The following RIPK1 variants were observed in gnomAD, a reference collection of about 807,000 sequenced individuals.
RIPK1 encodes the protein receptor interacting serine/threonine kinase 1.
RIPK1 carries 27 observed loss-of-function variants against 62.4 expected under a neutral mutation model. The ratio of observed to expected loss-of-function variants is 0.43; its 90% CI spans 0.32 to 0.60. RIPK1 has a LOEUF of 0.60. Ranked by LOEUF, RIPK1 falls within the 20% of genes least tolerant of loss-of-function variation. The pLI is 0.07. For synonymous variants in RIPK1, 287 were observed against 303.2 expected, an observed-to-expected ratio of 0.95 and a Z score of 0.55; for missense variants, 735 against 831.0, an observed-to-expected ratio of 0.88 and a Z score of 1.42.
intron 1 of RIPK1, 67 bp downstream of exon 1, chr6:3,068,728 T>C (rs1758516775): frequency 1.1e-6 from 1 of 947,858 alleles, no homozygotes; most frequent in Non-Finnish European, 1.3e-6. Flanking sequence ...GTGACCCCCC[T>C]GGTCGGGGTT....
chr6:3,111,086 A>G, intron 10 of RIPK1, 131 bp downstream of exon 10: 1 of 540,722 alleles, frequency 1.8e-6, no homozygotes, highest in Non-Finnish European at 3.1e-6. Context: ...TCTGCAAAAT[A>G]TCTTTGTAAT....
intron 4 of RIPK1, among the ~76,000 whole-genome samples, chr6:3,081,687 C>T (rs982643379): frequency 6.6e-6 from 1 of 151,614 alleles, no homozygotes; most frequent in Non-Finnish European, 1.5e-5. Context: ...ATGGAGAAAC[C>T]CCATCTCTAC....
intron 1 of RIPK1, among the ~76,000 whole-genome samples, chr6:3,075,529 C>G (rs1759006154): frequency 6.6e-6 from 1 of 152,168 alleles, no homozygotes. Context: ...TTTTCTAATG[C>G]CTTTCAGTTG....
chr6:3,090,030 G>A (rs544002478), intron 7 of RIPK1, among the ~76,000 whole-genome samples: 1 of 152,348 alleles, frequency 6.6e-6, no homozygotes, highest in African/African-American at 2.4e-5. Context: ...ACATAATGCT[G>A]AGGAAGAAGT....
At chr6:3,077,055 C>A in intron 2 of RIPK1, 68 bp downstream of exon 2, 1 of 1,457,190 alleles carries the variant, frequency 6.9e-7, no homozygotes, top group South Asian at 1.4e-5. Flanking sequence ...GTTGTGGAGC[C>A]GTTGGCTGCT....
intron 7 of RIPK1, among the ~76,000 whole-genome samples, chr6:3,103,003 A>T (rs548756805): frequency 8.5e-5 from 13 of 152,320 alleles, no homozygotes; most frequent in African/African-American, 2.9e-4. Context: ...CATCTTACCA[A>T]CACTTTTTAT....
intron 3 of RIPK1, among the ~76,000 whole-genome samples, chr6:3,080,638 T>C (rs1759325258): frequency 6.6e-6 from 1 of 152,232 alleles, no homozygotes; most frequent in African/African-American, 2.4e-5. Flanking sequence ...ATCCATTCAT[T>C]CAACAAGCAT....
Position 3,108,964 on chromosome 6 carries a change from C to A in RIPK1, c.1577-1839C>A, listed in dbSNP as rs188307355. Among the ~76,000 whole-genome samples, 364 of 152,286 alleles carry A rather than the reference C, an allele frequency of 2.4e-3. 1 individual carries two copies. The highest frequency in any genetic ancestry group is 8.6e-3 in the African/African-American group (358 of 41,564). On this transcript the variant is annotated intron_variant, in intron 9 of 10. Transcript: ENST00000259808. The stretch of plus-strand genomic sequence containing the variant: ...GACGGAGGTACCTTGAGCTGATACT[C>A]ATTTCCCTCCCTCCTCAGAACTGTC...
rs143164051 is a variant in RIPK1, at chr6:3,071,167, T to G, written c.-61+2506T>G. On this transcript the variant is annotated intron_variant, in intron 1 of 10. Transcript: ENST00000259808. ...TGGAGAAATCCTCTGGTCACTTGGATAGCTGAGCAAAATCAGAATTCTGTT... is the reference window on the plus strand; with the variant it reads ...TGGAGAAATCCTCTGGTCACTTGGAGAGCTGAGCAAAATCAGAATTCTGTT... Among the ~76,000 whole-genome samples, 43 of 152,314 alleles carry G rather than the reference T, an allele frequency of 2.8e-4. No homozygotes were observed. The East Asian group carries it at 6.9e-3, about 25-fold the overall frequency.
intron 9 of RIPK1, among the ~76,000 whole-genome samples, chr6:3,107,788 C>T (rs1760939154): frequency 6.6e-6 from 1 of 151,954 alleles, no homozygotes; most frequent in Non-Finnish European, 1.5e-5. Context: ...CCAGAAATCT[C>T]TTTGTGTTTT....
Position 3,114,223 on chromosome 6 carries a change from C to T in RIPK1, c.*884C>T, listed in dbSNP as rs17548629. On this transcript the variant is annotated 3_prime_UTR_variant, in exon 11 of 11. Transcript: ENST00000259808. This position sits in a 1 kb window ranked among gnomAD's most constrained non-coding sequence, Gnocchi z 5.0. ...CTGGTACCTTCACCCAGCCTGAGTG[C>T]CCTGGAGAGGGAACAGGAAATGCTG... 6,174 of 152,232 alleles carry T rather than the reference C, an allele frequency of 0.041. 292 individuals carry two copies. The highest frequency in any genetic ancestry group is 0.28 in the East Asian group (1,448 of 5,172). The allele number at this position is 152,232 out of a possible 1,614,324, so 9.4% of individuals were successfully genotyped here. A position where few individuals can be genotyped will look rare whatever the true frequency, so the allele number is the denominator to read the frequency against.
intron 1 of RIPK1, among the ~76,000 whole-genome samples, chr6:3,069,189 C>T (rs1357036751): frequency 6.6e-6 from 1 of 152,200 alleles, no homozygotes; most frequent in Admixed American, 6.5e-5. Context: ...CTCCTAGTGC[C>T]CTATCATTAA....
intron 4 of RIPK1, 44 bp downstream of exon 4, chr6:3,081,160 G>C: frequency 6.2e-7 from 1 of 1,601,114 alleles, no homozygotes; most frequent in Non-Finnish European, 8.5e-7. Flanking sequence ...GGTGATTTTA[G>C]TTTTAATTCT....
At chr6:3,068,362 C>T (rs908168381), upstream of RIPK1, 6 of 985,482 alleles carry the variant, frequency 6.1e-6, no homozygotes, top group African/African-American at 1.7e-5. Flanking sequence ...AAACAAAGTC[C>T]GCGATCCTCT....
intron 1 of RIPK1, among the ~76,000 whole-genome samples, chr6:3,074,292 T>C (rs765623116): frequency 5.3e-5 from 8 of 152,240 alleles, no homozygotes; most frequent in East Asian, 1.9e-4. Context: ...TTACATAGTA[T>C]GTATGCTTTT....
chr6:3,111,353 C>T (rs1205442687), intron 10 of RIPK1, among the ~76,000 whole-genome samples: 1 of 152,192 alleles, frequency 6.6e-6, no homozygotes, highest in Non-Finnish European at 1.5e-5. Flanking sequence ...AGACTGTGCC[C>T]TCCACAGCAC....
rs138277932 is a variant in RIPK1, at chr6:3,083,123, C to G, written c.498C>G (p.Ser166Arg). The change falls in exon 5 of 11, where the codon AGC becomes AGG. Residue 166 changes from serine (S) to arginine (R), a missense_variant. Transcript: ENST00000259808. ...GCCTTGCCTCCTTTAAGATGTGGAG[C>G]AAACTGAATAATGAAGAGCACAATG... ...DLGLASFKMW[S>R]KLNNEEHNEL... is the part of the protein sequence containing the mutation. 2.1e-4 allele frequency: 341 copies of G among 1,613,832 alleles called. No homozygotes were observed. The highest frequency in any genetic ancestry group is 2.7e-4 in the Non-Finnish European group (322 of 1,179,920).
rs1177750442 is a variant in RIPK1 at position 3,072,150 on chromosome 6, C to T, written c.-61+3489C>T. On this transcript the variant is annotated intron_variant, in intron 1 of 10. Transcript: ENST00000259808. The surrounding 1 kb of genome is among the most constrained non-coding windows in gnomAD (Gnocchi z 5.6). ...TACCAGGAACAGCTTTGCACATAAT[C>T]TTTATCAGCATCTCTGATTTGATCC... 6.6e-6 allele frequency among the ~76,000 whole-genome samples: 1 copy of T among 152,138 alleles called. No homozygotes were observed. The highest frequency in any genetic ancestry group is 1.5e-5 in the Non-Finnish European group (1 of 68,012).
rs879579214 is a variant in RIPK1, at chr6:3,072,036, T to G, written c.-61+3375T>G. 2.0e-5 allele frequency among the ~76,000 whole-genome samples: 3 copies of G among 152,228 alleles called. 1 individual carries two copies. The highest frequency in any genetic ancestry group is 4.4e-5 in the Non-Finnish European group (3 of 68,034). ...TCACAACATCGCTTTTGCAAACTGCTAGATATATTTCAGTGTTGATGGGCA... is the reference window on the plus strand; with the variant it reads ...TCACAACATCGCTTTTGCAAACTGCGAGATATATTTCAGTGTTGATGGGCA... On this transcript the variant is annotated intron_variant, in intron 1 of 10. Transcript: ENST00000259808. This position sits in a 1 kb window ranked among gnomAD's most constrained non-coding sequence, Gnocchi z 5.6.
Sources: gnomAD v4.1 joint callset for allele counts (sites outside exome capture counted in the v4.1 genomes callset) on GRCh38, gnomAD v4.1.1 for gene constraint, Gnocchi (gnomAD v3.1) non-coding constraint, MANE v1.5 for transcripts, NCBI Gene and HGNC (gene_info 2026-07-23, HGNC 2026-07-21) for gene names.